DSCAM: variants seen among roughly 807,000 people sequenced by gnomAD.
DSCAM encodes the protein cell adhesion molecule DSCAM.
In DSCAM, 47 loss-of-function variants were observed where a neutral mutation model predicts 217.7. The observed-to-expected ratio is 0.22, with a 90% CI of 0.17 to 0.28. The LOEUF (loss-of-function observed/expected upper bound fraction) is 0.28, where lower values mean the gene tolerates loss of function less well. Among genes scored for constraint, DSCAM ranks in the 10% least tolerant of loss-of-function variants. The pLI, the probability that DSCAM is intolerant of heterozygous loss-of-function variation, is 1.00. For missense variants in DSCAM, 2,080 were observed against 2,618.3 expected (o/e 0.79, Z 4.49); for synonymous variants, 1,056 against 1,015.3 (o/e 1.04, Z -0.76).
intron 9 of DSCAM, among the ~76,000 whole-genome samples, chr21:40,308,956 C>G (rs921044929): frequency 3.3e-5 from 5 of 152,158 alleles, no homozygotes; most frequent in African/African-American, 1.2e-4. Flanking sequence ...TACTACTGCA[C>G]TGGTACAAAG....
At chr21:40,271,082 G>C (rs985309410) in intron 11 of DSCAM, among the ~76,000 whole-genome samples, 3 of 152,236 alleles carry the variant, frequency 2.0e-5, no homozygotes, top group African/African-American at 7.2e-5. Flanking sequence ...CCAAGACCCT[G>C]CAGACGGTCA....
chr21:40,376,692 C>CT (rs1569093293), intron 3 of DSCAM, among the ~76,000 whole-genome samples: 6 of 60,944 alleles, frequency 9.8e-5, no homozygotes, highest in African/African-American at 4.1e-4. Flanking sequence ...TCATATATAT[C>CT]ATATATATCT....
intron 10 of DSCAM, among the ~76,000 whole-genome samples, chr21:40,288,044 A>C (rs1480080207): frequency 6.6e-6 from 1 of 152,212 alleles, no homozygotes; most frequent in Non-Finnish European, 1.5e-5. Context: ...AGAGTGGGGA[A>C]AATAGAAACT....
chr21:40,495,157 T>C (rs566248217), intron 3 of DSCAM, among the ~76,000 whole-genome samples: 19 of 152,258 alleles, frequency 1.2e-4, no homozygotes, highest in African/African-American at 1.9e-4. Flanking sequence ...CTATGAAATA[T>C]TGAAGAACTA....
chr21:40,029,430 T>TG (rs1485234326), intron 32 of DSCAM, among the ~76,000 whole-genome samples: 1 of 151,800 alleles, frequency 6.6e-6, no homozygotes, highest in African/African-American at 2.4e-5. Flanking sequence ...GAGGTTGTTT[T>TG]TTTTTTTTTT....
At chr21:40,461,977 A>G (rs2075809634) in intron 3 of DSCAM, among the ~76,000 whole-genome samples, 1 of 152,172 alleles carries the variant, frequency 6.6e-6, no homozygotes, top group African/African-American at 2.4e-5. Context: ...TGACATCCAC[A>G]ATAGTATGAC....
At chr21:40,356,566 G>T (rs1395512022) in intron 4 of DSCAM, among the ~76,000 whole-genome samples, 1 of 152,168 alleles carries the variant, frequency 6.6e-6, no homozygotes, top group Non-Finnish European at 1.5e-5. Flanking sequence ...ACTTAGCTGG[G>T]AGGGGTGTTT....
At chr21:40,757,866 C>T (rs955041031) in intron 1 of DSCAM, among the ~76,000 whole-genome samples, 2 of 152,214 alleles carry the variant, frequency 1.3e-5, no homozygotes, top group African/African-American at 4.8e-5. Context: ...GTATATCCAT[C>T]ACAGTGGACA....
intron 3 of DSCAM, among the ~76,000 whole-genome samples, chr21:40,537,935 A>G (rs2076512187): frequency 6.6e-6 from 1 of 152,106 alleles, no homozygotes; most frequent in African/African-American, 2.4e-5. Flanking sequence ...TCCTCCTTCC[A>G]TGTGGTTTTG....
At chr21:40,593,316 TTC>T (rs2076997378) in intron 3 of DSCAM, among the ~76,000 whole-genome samples, 2 of 101,376 alleles carry the variant, frequency 2.0e-5, no homozygotes, top group African/African-American at 8.4e-5. Flanking sequence ...TTCATGATGT[TTC>T]TCTTTTTTTT....
intron 3 of DSCAM, among the ~76,000 whole-genome samples, chr21:40,592,902 G>A (rs1306748249): frequency 6.6e-6 from 1 of 152,170 alleles, no homozygotes; most frequent in Non-Finnish European, 1.5e-5. Flanking sequence ...TCACAAGCAC[G>A]CACATATTTG....
chr21:40,162,093 G>A lies in DSCAM; in HGVS notation c.3018+5125C>T, dbSNP rs117950432. Among the ~76,000 whole-genome samples the A allele has an allele frequency of 2.6e-4, 39 of 152,242 alleles. No homozygotes were observed. The East Asian group carries it at 4.2e-3, about 17-fold the overall frequency. ...ATATTTATTGAGCATTATTATGCAC[G>A]AACTACAATCTTGGCACTTCCTAGT... is the stretch of plus-strand genomic sequence containing the variant. On this transcript the variant is annotated intron_variant, in intron 16 of 32. Coordinates refer to ENST00000400454, the MANE Select transcript of DSCAM (RefSeq NM_001389.5).
At chr21:40,117,581 T>C (rs2089985356) in intron 20 of DSCAM, among the ~76,000 whole-genome samples, 1 of 152,186 alleles carries the variant, frequency 6.6e-6, no homozygotes, top group African/African-American at 2.4e-5. Flanking sequence ...CAAAACAGTA[T>C]TTTTAAAAAT....
intron 3 of DSCAM, among the ~76,000 whole-genome samples, chr21:40,460,358 C>T (rs1457898191): frequency 6.6e-6 from 1 of 152,042 alleles, no homozygotes; most frequent in East Asian, 1.9e-4. Flanking sequence ...TCCAGAGATA[C>T]AAATGACAAA....
intron 3 of DSCAM, among the ~76,000 whole-genome samples, chr21:40,514,014 G>A (rs1485557192): frequency 1.3e-5 from 2 of 152,122 alleles, no homozygotes; most frequent in Admixed American, 6.5e-5. Flanking sequence ...GTGACAGATT[G>A]CATACAGAAT....
chr21:40,141,435 C>T (rs1011434171), intron 18 of DSCAM, among the ~76,000 whole-genome samples: 1 of 151,972 alleles, frequency 6.6e-6, no homozygotes, highest in Non-Finnish European at 1.5e-5. Flanking sequence ...GCCAAGCTGG[C>T]GAAACCCCAT....
intron 3 of DSCAM, among the ~76,000 whole-genome samples, chr21:40,533,556 T>TC (rs879773027): frequency 0.024 from 2,869 of 121,714 alleles, 83 homozygotes; most frequent in African/African-American, 0.077. Context: ...CATCCATCCA[T>TC]TCATCCATCC....
At chr21:40,136,772 T>G (rs2090213503) in intron 18 of DSCAM, among the ~76,000 whole-genome samples, 1 of 152,176 alleles carries the variant, frequency 6.6e-6, no homozygotes, top group African/African-American at 2.4e-5. Flanking sequence ...GCTGTGACCC[T>G]CCGGCAAATA....
At chr21:40,137,178 G>GAAAAAA (rs34652896) in intron 18 of DSCAM, among the ~76,000 whole-genome samples, 1 of 64,510 alleles carries the variant, frequency 1.6e-5, no homozygotes, top group Non-Finnish European at 2.8e-5. Context: ...CTGTCTCAAG[G>GAAAAAA]AAAAAAAAAA....
Sources: allele counts gnomAD v4.1 joint callset (sites outside exome capture counted in the v4.1 genomes callset), GRCh38; gene constraint gnomAD v4.1.1; transcripts MANE v1.5; gene names NCBI Gene and HGNC (gene_info 2026-07-23, HGNC 2026-07-21).